The following STON1 variants were observed in gnomAD, a reference collection of about 807,000 sequenced individuals.
STON1 encodes stonin-1.
Under a neutral mutation model 60.9 loss-of-function variants are expected in STON1, and 79 were observed. The ratio of observed to expected loss-of-function variants is 1.30; its 90% confidence interval spans 1.08 to 1.56. STON1 has a LOEUF of 1.56. Among genes scored for constraint, STON1 ranks in the 40% most tolerant of loss-of-function variants. STON1 has a pLI of 0.00. For synonymous variants in STON1, 363 were observed against 306.9 expected (o/e 1.18, Z -1.91); for missense variants, 1,166 against 858.9 (o/e 1.36, Z -4.47).
chr2:48,575,119 T>A (rs182936011), intron 1 of STON1, among the ~76,000 whole-genome samples: 1 of 152,370 alleles, frequency 6.6e-6, no homozygotes, highest in Admixed American at 6.5e-5. Flanking sequence ...GTAGGATTTG[T>A]CCTTCTGTGA....
At position 48,581,440 on chromosome 2, in the gene STON1, G is replaced by C. The variant is rs748644136; in HGVS notation, c.807G>C (p.Arg269Ser). 4 of 1,614,156 alleles carry C rather than the reference G, an allele frequency of 2.5e-6. No homozygotes were observed. The highest frequency in any genetic ancestry group is 3.4e-6 in the Non-Finnish European group (4 of 1,180,010). ...ASSFVPHTLFRSQPKSGWSFM... is the reference protein window; with the variant it reads ...ASSFVPHTLFSSQPKSGWSFM... ...CCTTTGTCCCCCACACACTCTTCAG[G>C]AGTCAGCCAAAATCCGGATGGTCTT... The change falls in exon 2 of 4, where the codon AGG (arginine) becomes AGC (serine). Residue 269 changes from arginine (R) to serine (S), a missense_variant. Transcript: ENST00000404752.
intron 1 of STON1, among the ~76,000 whole-genome samples, chr2:48,543,810 G>T (rs1477085633): frequency 6.6e-6 from 1 of 152,094 alleles, no homozygotes; most frequent in Non-Finnish European, 1.5e-5. Context: ...GGGATTACAG[G>T]CGTGAGCCAC....
At chr2:48,575,815 A>G (rs1248335755) in intron 1 of STON1, among the ~76,000 whole-genome samples, 6 of 142,126 alleles carry the variant, frequency 4.2e-5, no homozygotes, top group Non-Finnish European at 6.1e-5. Context: ...CTGGAGTGCA[A>G]TGGCGTGATA....
intron 1 of STON1, among the ~76,000 whole-genome samples, chr2:48,568,845 G>A (rs146636742): frequency 2.4e-4 from 36 of 152,284 alleles, no homozygotes; most frequent in African/African-American, 8.2e-4. Context: ...GGAGAAATAG[G>A]CTCTTCTCAC....
rs895227050 is a variant in STON1, at chr2:48,565,284, C to A, written c.-47-15303C>A. ...AGCCAGGATGGTCTCGATCTCCTGA[C>A]CTCGTGATCCACCCGCCTCGGCCTC... On this transcript the variant is annotated intron_variant, in intron 1 of 3. Coordinates refer to ENST00000404752, the MANE Select transcript of STON1 (RefSeq NM_006873.4). Among the ~76,000 whole-genome samples the A allele has an allele frequency of 2.0e-5, 3 of 151,486 alleles. No individual in the cohort carries two copies. The South Asian group carries it at 6.2e-4, about 32-fold the overall frequency.
intron 2 of STON1, 61 bp downstream of exon 2, chr2:48,582,624 C>A: frequency 6.5e-7 from 1 of 1,549,862 alleles, no homozygotes; most frequent in Non-Finnish European, 8.7e-7. Flanking sequence ...TCTTACCTTC[C>A]TCCTTGGGTT....
chr2:48,582,540 A>T lies in STON1; in HGVS notation c.1907A>T (p.Asp636Val). Residue 636 changes from aspartate (D) to valine (V), a missense_variant, in exon 2 of 4, where the codon GAT becomes GTT. By Grantham distance (152) the Asp-to-Val change is radical. Coordinates refer to ENST00000404752, the MANE Select transcript of STON1 (RefSeq NM_006873.4). The part of the protein sequence containing the change: ...SAYQAVVWKI[D>V]RLPDKNSSLD... Reference sequence around the variant, plus strand: ...TACCAGGCAGTGGTATGGAAGATAGATCGGCTTCCAGACAAAAATTCAAGT... The same window carrying T: ...TACCAGGCAGTGGTATGGAAGATAGTTCGGCTTCCAGACAAAAATTCAAGT... The T allele has an allele frequency of 6.2e-6, 10 of 1,608,664 alleles. No individual in the cohort carries two copies. Among genetic ancestry groups the T allele is most frequent in the Non-Finnish European group, 8.5e-6 (10 of 1,177,758 alleles).
At chr2:48,564,887 C>A (rs994916416) in intron 1 of STON1, among the ~76,000 whole-genome samples, 10 of 149,456 alleles carry the variant, frequency 6.7e-5, no homozygotes, top group Non-Finnish European at 1.2e-4. Context: ...CGTGCACCAC[C>A]ACGCCCGGCT....
intron 2 of STON1, among the ~76,000 whole-genome samples, chr2:48,584,715 C>T (rs10495953): frequency 0.33 from 49,899 of 151,990 alleles, 8,388 homozygotes; most frequent in East Asian, 0.42. Context: ...TCTCCAGATA[C>T]AAGGTGTAGC....
At chr2:48,567,204 T>C (rs1672985826) in intron 1 of STON1, among the ~76,000 whole-genome samples, 1 of 152,216 alleles carries the variant, frequency 6.6e-6, no homozygotes, top group Admixed American at 6.5e-5. Context: ...ATACCCCACA[T>C]GTTTGCGATT....
At chr2:48,564,480 T>TTCTTCTTCTTCTTCTTCC (rs1558604783) in intron 1 of STON1, among the ~76,000 whole-genome samples, 1 of 32,480 alleles carries the variant, frequency 3.1e-5, no homozygotes, top group African/African-American at 1.2e-4. Context: ...CTTCTTCTTC[T>TTCTTCTTCTTCTTCTTCC]TTCTTCTTCT....
intron 1 of STON1, among the ~76,000 whole-genome samples, chr2:48,541,521 TAA>T (rs1276920612): frequency 8.6e-4 from 79 of 92,360 alleles, no homozygotes; most frequent in Non-Finnish European, 1.1e-3. Context: ...CCATCTCTAC[TAA>T]AAAAAAAAAA....
In STON1 at chr2:48,555,456, C is replaced by A. The variant is rs1320499271; in HGVS notation, c.-47-25131C>A. 1.1e-4 allele frequency among the ~76,000 whole-genome samples: 11 copies of A among 96,442 alleles called. 1 individual carries two copies. The highest frequency in any genetic ancestry group is 4.0e-4 in the African/African-American group (10 of 24,988). The allele number at this position is 96,442 out of a possible 152,430, so 63.3% of individuals were successfully genotyped here. A position where few individuals can be genotyped will look rare whatever the true frequency, so the allele number is the denominator to read the frequency against. ...CACTGGCCGGGCAGGGGGGCTGACCCCCCCCACCTCCCTCCCGGACGGGGC... is the reference window on the plus strand; with the variant it reads ...CACTGGCCGGGCAGGGGGGCTGACCACCCCCACCTCCCTCCCGGACGGGGC... On this transcript the variant is annotated intron_variant, in intron 1 of 3. Coordinates refer to ENST00000404752, the MANE Select transcript of STON1 (RefSeq NM_006873.4).
intron 1 of STON1, among the ~76,000 whole-genome samples, chr2:48,545,918 A>G (rs147579501): frequency 4.6e-5 from 7 of 152,354 alleles, no homozygotes; most frequent in Non-Finnish European, 5.9e-5. Flanking sequence ...GTCACTGTGG[A>G]GAATGATGAG....
chr2:48,557,888 A>G (rs182376280), intron 1 of STON1, among the ~76,000 whole-genome samples: 82 of 152,338 alleles, frequency 5.4e-4, no homozygotes, highest in African/African-American at 1.9e-3. Context: ...AGTTAATGCC[A>G]ATCTTTTATA....
At chr2:48,562,598 C>T (rs565239788) in intron 1 of STON1, among the ~76,000 whole-genome samples, 1 of 152,202 alleles carries the variant, frequency 6.6e-6, no homozygotes, top group Non-Finnish European at 1.5e-5. Flanking sequence ...CTCAGAGATG[C>T]TAAGTAGAAG....
At chr2:48,595,122 G>C in intron 3 of STON1, 106 bp from the exon 4 acceptor site, 1 of 851,976 alleles carries the variant, frequency 1.2e-6, no homozygotes, top group Non-Finnish European at 1.9e-6. Flanking sequence ...GTGTCCAAAG[G>C]GTGAGGTTTG....
At chr2:48,536,493 A>G (rs183974982) in intron 1 of STON1, among the ~76,000 whole-genome samples, 34 of 147,396 alleles carry the variant, frequency 2.3e-4, no homozygotes, top group South Asian at 4.5e-4. Context: ...GGTTGCAGTG[A>G]GCTGAGATCG....
At chr2:48,571,221 A>G (rs981337762) in intron 1 of STON1, among the ~76,000 whole-genome samples, 5 of 152,112 alleles carry the variant, frequency 3.3e-5, no homozygotes, top group Admixed American at 1.3e-4. Context: ...TTGAAAGTAG[A>G]CCTTTGAAAA....
Sources: allele counts gnomAD v4.1 joint callset (sites outside exome capture counted in the v4.1 genomes callset), GRCh38; gene constraint gnomAD v4.1.1; transcripts MANE v1.5; gene names NCBI Gene and HGNC (gene_info 2026-07-23, HGNC 2026-07-21).